The following ARHGAP18 variants were observed in gnomAD, a reference collection of about 807,000 sequenced individuals.
ARHGAP18 encodes Rho GTPase activating protein 18.
Under a neutral mutation model 86.2 loss-of-function variants are expected in ARHGAP18, and 67 were observed. The ratio of observed to expected loss-of-function variants is 0.78; its 90% CI spans 0.64 to 0.95. The LOEUF is 0.95. ARHGAP18 is among the 40% of genes least tolerant of loss of function. The pLI, the probability that ARHGAP18 is intolerant of heterozygous loss-of-function variation, is 0.00. For missense variants in ARHGAP18, 691 were observed against 780.4 expected (o/e 0.89, Z 1.37); for synonymous variants, 283 against 280.4 (o/e 1.01, Z -0.09).
chr6:129,641,784 A>G, intron 2 of ARHGAP18, 32 bp downstream of exon 2: 1 of 1,581,736 alleles, frequency 6.3e-7, no homozygotes. Context: ...TACATATACA[A>G]ACAACAAAAG....
chr6:129,610,761 G>A (rs1788962047), intron 8 of ARHGAP18, among the ~76,000 whole-genome samples: 1 of 152,122 alleles, frequency 6.6e-6, no homozygotes, highest in Non-Finnish European at 1.5e-5. Flanking sequence ...CTGAGTAGCT[G>A]GGATTACAGG....
At chr6:129,642,503 T>C (rs1773490244) in intron 1 of ARHGAP18, among the ~76,000 whole-genome samples, 1 of 151,984 alleles carries the variant, frequency 6.6e-6, no homozygotes. Flanking sequence ...CAGGTTGGTC[T>C]GAAACTCCTG....
chr6:129,581,201 A>G (rs1788279782), intron 13 of ARHGAP18, among the ~76,000 whole-genome samples: 1 of 152,182 alleles, frequency 6.6e-6, no homozygotes, highest in Non-Finnish European at 1.5e-5. Context: ...GCCATTAGGA[A>G]GAGCATGGTA....
intron 6 of ARHGAP18, among the ~76,000 whole-genome samples, chr6:129,617,091 C>A (rs72982657): frequency 0.061 from 9,233 of 152,228 alleles, 364 homozygotes; most frequent in South Asian, 0.094. Flanking sequence ...AAATGTTTCT[C>A]TTTAGAAAAT....
At chr6:129,655,515 C>A (rs1773818492) in intron 1 of ARHGAP18, among the ~76,000 whole-genome samples, 1 of 151,834 alleles carries the variant, frequency 6.6e-6, no homozygotes, top group Non-Finnish European at 1.5e-5. Flanking sequence ...CTTCCTTTAC[C>A]ATCTTGCCAG....
chr6:129,656,999 C>T (rs1296096194), intron 1 of ARHGAP18, among the ~76,000 whole-genome samples: 4 of 152,314 alleles, frequency 2.6e-5, no homozygotes, highest in South Asian at 4.2e-4. Context: ...TTCTTATTGA[C>T]ATCCAAATCA....
intron 10 of ARHGAP18, among the ~76,000 whole-genome samples, chr6:129,604,281 C>T (rs1262214604): frequency 6.7e-6 from 1 of 150,158 alleles, no homozygotes; most frequent in Admixed American, 6.7e-5. Flanking sequence ...AATTTTAAAA[C>T]TATTTTTTAA....
At chr6:129,599,445 A>G in intron 11 of ARHGAP18, 89 bp from the exon 12 acceptor site, 4 of 1,166,304 alleles carry the variant, frequency 3.4e-6, no homozygotes, top group Non-Finnish European at 4.5e-6. Flanking sequence ...TTAAATTTCA[A>G]AAACAGTAAA....
Position 129,583,980 on chromosome 6 carries a change from G to T in ARHGAP18, c.1838+8C>A, listed in dbSNP as rs368661807. 2 of 1,612,468 alleles carry T rather than the reference G, an allele frequency of 1.2e-6. No homozygotes were observed. The highest frequency in any genetic ancestry group is 2.2e-5 in the South Asian group (2 of 90,972). On this transcript the variant is annotated splice_region_variant and intron_variant, in intron 13 of 14. Coordinates refer to ENST00000368149, the MANE Select transcript of ARHGAP18 (RefSeq NM_033515.3). Reference sequence around the variant, plus strand: ...CCATGGCATAATTAACACAAAACAGGCCTCTACCTTTCTTGGCTGAGAAAC... The same window carrying T: ...CCATGGCATAATTAACACAAAACAGTCCTCTACCTTTCTTGGCTGAGAAAC...
intron 1 of ARHGAP18, among the ~76,000 whole-genome samples, chr6:129,695,272 T>TTC (rs1562727555): frequency 6.6e-6 from 1 of 152,134 alleles, no homozygotes; most frequent in Admixed American, 6.5e-5. Flanking sequence ...TATTTTTTTT[T>TTC]CCCAGAAACT....
intron 1 of ARHGAP18, among the ~76,000 whole-genome samples, chr6:129,677,122 G>T (rs35462842): frequency 2.6e-5 from 4 of 152,110 alleles, no homozygotes; most frequent in Non-Finnish European, 5.9e-5. Flanking sequence ...GCCGGGCGCG[G>T]TGGCTCACGC....
intron 1 of ARHGAP18, among the ~76,000 whole-genome samples, chr6:129,682,449 C>A (rs1774341018): frequency 6.6e-6 from 1 of 152,064 alleles, no homozygotes; most frequent in African/African-American, 2.4e-5. Flanking sequence ...TCCTACAGAT[C>A]CAAGAGGAAT....
chr6:129,578,203 C>T lies in ARHGAP18; in HGVS notation c.*310G>A, dbSNP rs1273758460. ...AAAAGAATGGGAAGAGAAGACATTTCCACATATTAAAAAAAAAAACTATGT... is the reference window on the plus strand; with the variant it reads ...AAAAGAATGGGAAGAGAAGACATTTTCACATATTAAAAAAAAAAACTATGT... On this transcript the variant is annotated 3_prime_UTR_variant, in exon 15 of 15. Transcript: ENST00000368149. 1 of 155,656 alleles carries T rather than the reference C, an allele frequency of 6.4e-6. No individual in the cohort carries two copies. Among genetic ancestry groups the T allele is most frequent in the Admixed American group, 6.5e-5 (1 of 15,358 alleles). The allele number at this position is 155,656 out of a possible 1,614,324, so 9.6% of individuals were successfully genotyped here. A position where few individuals can be genotyped will look rare whatever the true frequency, so the allele number is the denominator to read the frequency against.
At chr6:129,653,297 T>C (rs550929846) in intron 1 of ARHGAP18, among the ~76,000 whole-genome samples, 5 of 152,294 alleles carry the variant, frequency 3.3e-5, no homozygotes, top group African/African-American at 1.2e-4. Context: ...TGTTGGTAAA[T>C]AGTAATAGAA....
chr6:129,666,976 T>C (rs923686211), intron 1 of ARHGAP18, among the ~76,000 whole-genome samples: 3 of 151,976 alleles, frequency 2.0e-5, no homozygotes, highest in Admixed American at 6.6e-5. Context: ...AAATGTCTAA[T>C]TCATCTACAA....
Position 129,625,254 on chromosome 6 carries a change from T to C in ARHGAP18, c.786+4099A>G, listed in dbSNP as rs1396766266. 5.7e-5 allele frequency among the ~76,000 whole-genome samples: 5 copies of C among 86,986 alleles called. 1 individual carries two copies. The highest frequency in any genetic ancestry group is 2.4e-4 in the African/African-American group (5 of 21,052). 57.1% of individuals were successfully genotyped at this position (86,986 alleles called of 152,430 possible). Reference sequence around the variant, plus strand: ...ATATGATATATATTTATATGTAATATATATGATATATGATATATATTTATA... The same window carrying C: ...ATATGATATATATTTATATGTAATACATATGATATATGATATATATTTATA... On this transcript the variant is annotated intron_variant, in intron 5 of 14. Coordinates refer to ENST00000368149, the MANE Select transcript of ARHGAP18 (RefSeq NM_033515.3).
intron 7 of ARHGAP18, among the ~76,000 whole-genome samples, chr6:129,613,661 C>T (rs975128125): frequency 2.6e-5 from 4 of 152,296 alleles, no homozygotes; most frequent in East Asian, 3.9e-4. Flanking sequence ...AATAGAGTTA[C>T]GTACATATAT....
At chr6:129,625,097 A>T (rs796296005) in intron 5 of ARHGAP18, among the ~76,000 whole-genome samples, 1 of 70,388 alleles carries the variant, frequency 1.4e-5, no homozygotes, top group African/African-American at 5.5e-5. Flanking sequence ...ATGATATATG[A>T]TATATATTAT....
At chr6:129,614,603 C>T (rs1365263063) in intron 7 of ARHGAP18, among the ~76,000 whole-genome samples, 2 of 152,136 alleles carry the variant, frequency 1.3e-5, no homozygotes, top group African/African-American at 4.8e-5. Flanking sequence ...AATCCTCAGC[C>T]GGATCACGTG....
Sources: allele counts gnomAD v4.1 joint callset (sites outside exome capture counted in the v4.1 genomes callset), GRCh38; gene constraint gnomAD v4.1.1; transcripts MANE v1.5; gene names NCBI Gene and HGNC (gene_info 2026-07-23, HGNC 2026-07-21).